The following ZNF423 variants were observed in gnomAD, a reference collection of about 807,000 sequenced individuals.
ZNF423 encodes Ebf-associated zinc finger protein.
A neutral mutation model predicts 95.8 loss-of-function variants in ZNF423; 12 were observed. That is an observed-to-expected ratio of 0.13 (90% CI 0.08 to 0.20). The LOEUF (loss-of-function observed/expected upper bound fraction) is 0.20. Ranked by LOEUF, ZNF423 falls within the 10% of genes least tolerant of loss-of-function variation. The probability of loss-of-function intolerance (pLI) is 1.00; values close to 1 mark genes in which losing one functional copy is unlikely to be tolerated. For synonymous variants in ZNF423, 749 were observed against 711.9 expected (o/e 1.05, Z -0.83); for missense variants, 1,316 against 1,737.1 (o/e 0.76, Z 4.31).
chr16:49,608,892 G>A (rs1971625948), intron 5 of ZNF423, among the ~76,000 whole-genome samples: 1 of 152,122 alleles, frequency 6.6e-6, no homozygotes, highest in Admixed American at 6.5e-5. Context: ...CTTATATAAT[G>A]AGGCACTCAC....
At chr16:49,756,875 T>C (rs2033737771) in intron 2 of ZNF423, among the ~76,000 whole-genome samples, 2 of 152,210 alleles carry the variant, frequency 1.3e-5, no homozygotes, top group African/African-American at 2.4e-5. Flanking sequence ...GGGGCAGACA[T>C]GAACAGGCCT....
chr16:49,796,884 C>T (rs2034506875), intron 1 of ZNF423, among the ~76,000 whole-genome samples: 1 of 152,164 alleles, frequency 6.6e-6, no homozygotes, highest in South Asian at 2.1e-4. Context: ...CCACCTCCAC[C>T]CCCAAAATAA....
chr16:49,675,154 G>A (rs1445378944), intron 3 of ZNF423, among the ~76,000 whole-genome samples: 1 of 152,202 alleles, frequency 6.6e-6, no homozygotes. Flanking sequence ...CTAACATGCT[G>A]TGTGACCCTG....
intron 5 of ZNF423, among the ~76,000 whole-genome samples, chr16:49,574,905 G>T (rs1404757654): frequency 4.6e-5 from 7 of 152,152 alleles, no homozygotes; most frequent in Admixed American, 4.6e-4. Context: ...TGCCAGCGGA[G>T]GAGGTGGGAA....
At chr16:49,707,440 C>A (rs554956615) in intron 3 of ZNF423, among the ~76,000 whole-genome samples, 116 of 151,966 alleles carry the variant, frequency 7.6e-4, no homozygotes, top group African/African-American at 2.6e-3. Flanking sequence ...ATCTTGAAAC[C>A]CCGTCTCTAA....
chr16:49,677,689 G>C (rs1412882990), intron 3 of ZNF423, among the ~76,000 whole-genome samples: 2 of 150,888 alleles, frequency 1.3e-5, no homozygotes, highest in African/African-American at 4.9e-5. Flanking sequence ...AGGAAGTAAA[G>C]GCTGCAGTGA....
chr16:49,585,353 A>G (rs1217899757), intron 5 of ZNF423, among the ~76,000 whole-genome samples: 2 of 151,214 alleles, frequency 1.3e-5, no homozygotes, highest in African/African-American at 4.9e-5. Context: ...CTTCCCTCCC[A>G]CTCCCAAGGT....
chr16:49,594,614 C>T (rs1469804279), intron 5 of ZNF423, among the ~76,000 whole-genome samples: 1 of 152,100 alleles, frequency 6.6e-6, no homozygotes, highest in Non-Finnish European at 1.5e-5. Flanking sequence ...CATAAGACCA[C>T]AAACACACTC....
At chr16:49,789,125 G>A (rs1218301994) in intron 2 of ZNF423, among the ~76,000 whole-genome samples, 2 of 152,096 alleles carry the variant, frequency 1.3e-5, no homozygotes, top group African/African-American at 2.4e-5. Flanking sequence ...GATGTAGACT[G>A]GAGTTTAAAA....
chr16:49,512,371 T>G (rs1249330003), intron 7 of ZNF423, among the ~76,000 whole-genome samples: 1 of 152,246 alleles, frequency 6.6e-6, no homozygotes, highest in Non-Finnish European at 1.5e-5. Context: ...TGGGAGCTTT[T>G]CAGGCATCAC....
chr16:49,667,694 C>T (rs1159758966), intron 3 of ZNF423, among the ~76,000 whole-genome samples: 1 of 152,206 alleles, frequency 6.6e-6, no homozygotes, highest in African/African-American at 2.4e-5. Context: ...CCAGCTTGGG[C>T]AGCATAGCAA....
Position 49,518,390 on chromosome 16 carries a change from C to T in ZNF423, c.3849+5234G>A. ...AAAATGACAACGGGAACCACAGTTT[C>T]CAAATTTGTCATTTAGAAAATTCAC... On this transcript the variant is annotated intron_variant, in intron 7 of 7. Coordinates refer to ENST00000563137, the MANE Select transcript of ZNF423 (RefSeq NM_001379286.1). 28 of 434,570 alleles carry T rather than the reference C, an allele frequency of 6.4e-5. 1 individual carries two copies. The highest frequency in any genetic ancestry group is 4.7e-4 in the South Asian group (28 of 59,956). 26.9% of individuals were successfully genotyped at this position (434,570 alleles called of 1,614,324 possible). A position where few individuals can be genotyped will look rare whatever the true frequency, so the allele number is the denominator to read the frequency against.
intron 1 of ZNF423, among the ~76,000 whole-genome samples, chr16:49,790,697 A>C (rs2034398757): frequency 1.3e-5 from 2 of 152,240 alleles, no homozygotes; most frequent in South Asian, 4.1e-4. Context: ...AGCGCAAGGC[A>C]CAGCCCACCT....
intron 3 of ZNF423, among the ~76,000 whole-genome samples, chr16:49,666,400 AAC>A (rs543085273): frequency 9.2e-5 from 14 of 152,320 alleles, no homozygotes; most frequent in South Asian, 8.3e-4. Context: ...TACATTCACA[AAC>A]ACAGAGTTAC....
intron 1 of ZNF423, among the ~76,000 whole-genome samples, chr16:49,834,809 A>C (rs751634312): frequency 8.6e-5 from 13 of 151,934 alleles, no homozygotes; most frequent in Non-Finnish European, 1.9e-4. Flanking sequence ...GAGCGCCAGG[A>C]TCAGAGCCGC....
intron 2 of ZNF423, among the ~76,000 whole-genome samples, chr16:49,747,402 T>A (rs2033548487): frequency 6.6e-6 from 1 of 152,228 alleles, no homozygotes; most frequent in African/African-American, 2.4e-5. Flanking sequence ...AACATGTATA[T>A]CAGTAGTATT....
chr16:49,737,120 T>C (rs576774208), intron 2 of ZNF423, among the ~76,000 whole-genome samples: 1 of 151,608 alleles, frequency 6.6e-6, no homozygotes, highest in East Asian at 1.9e-4. Context: ...GTAGGTACAA[T>C]GGATATCCCC....
intron 5 of ZNF423, among the ~76,000 whole-genome samples, chr16:49,579,653 A>C (rs1054104354): frequency 4.6e-5 from 7 of 152,098 alleles, no homozygotes; most frequent in African/African-American, 1.4e-4. Context: ...CTTGCGTAGG[A>C]GTAACATAAT....
At chr16:49,832,901 TC>T (rs2144062893) in intron 1 of ZNF423, among the ~76,000 whole-genome samples, 1 of 152,304 alleles carries the variant, frequency 6.6e-6, no homozygotes, top group South Asian at 2.1e-4. Flanking sequence ...AAGCAAGAAC[TC>T]CGATTTTTTT....
Sources: allele counts gnomAD v4.1 joint callset (sites outside exome capture counted in the v4.1 genomes callset), GRCh38; gene constraint gnomAD v4.1.1; transcripts MANE v1.5; gene names NCBI Gene and HGNC (gene_info 2026-07-23, HGNC 2026-07-21).